Variants in DIP2C observed in about 807,000 individuals in gnomAD.
DIP2C encodes DIP2 acetate--CoA ligase C (putative), also known as disco-interacting protein 2 homolog C.
A neutral mutation model predicts 192.4 loss-of-function variants in DIP2C; 33 were observed. The ratio of observed to expected loss-of-function variants is 0.17; its 90% confidence interval spans 0.13 to 0.23. The LOEUF (loss-of-function observed/expected upper bound fraction) is 0.23. DIP2C is among the 10% of genes least tolerant of loss of function. DIP2C has a pLI of 1.00. For missense variants in DIP2C, 1,537 were observed against 2,110.1 expected (o/e 0.73, Z 5.32); for synonymous variants, 979 against 864.1 (o/e 1.13, Z -2.33).
intron 17 of DIP2C, among the ~76,000 whole-genome samples, chr10:375,649 G>C (rs749269988): frequency 3.9e-5 from 6 of 152,104 alleles, no homozygotes; most frequent in Admixed American, 6.6e-5. Flanking sequence ...TGAAGTAGCA[G>C]CTCCTATAAA....
chr10:629,977 C>G (rs991083739), intron 1 of DIP2C: 1 of 152,266 alleles, frequency 6.6e-6, no homozygotes, highest in African/African-American at 2.4e-5. Flanking sequence ...CGAGGGCGGC[C>G]TATTCCCCAC....
chr10:594,951 AAGGGAGAGGAGAC>A (rs1851618491), intron 1 of DIP2C, among the ~76,000 whole-genome samples: 2 of 152,150 alleles, frequency 1.3e-5, no homozygotes, highest in African/African-American at 4.8e-5. Flanking sequence ...AAAGCCAGAG[AAGGGAGAGGAGAC>A]AGAACACGCC....
intron 1 of DIP2C, among the ~76,000 whole-genome samples, chr10:509,073 T>A (rs1845832767): frequency 6.6e-6 from 1 of 152,178 alleles, no homozygotes; most frequent in Non-Finnish European, 1.5e-5. Context: ...GGGACTGCTG[T>A]GGACAGACGA....
At chr10:309,194 G>T (rs142973640) in intron 32 of DIP2C, among the ~76,000 whole-genome samples, 2 of 152,174 alleles carry the variant, frequency 1.3e-5, no homozygotes, top group Non-Finnish European at 2.9e-5. Context: ...TGGCATCTTA[G>T]TGGGTCCTCC....
intron 1 of DIP2C, among the ~76,000 whole-genome samples, chr10:610,205 G>A (rs1340674943): frequency 6.6e-6 from 1 of 152,144 alleles, no homozygotes; most frequent in Non-Finnish European, 1.5e-5. Context: ...TTAAGCAAAC[G>A]AGCCAAGCAC....
chr10:587,310 T>C (rs900496923), intron 1 of DIP2C, among the ~76,000 whole-genome samples: 1 of 152,210 alleles, frequency 6.6e-6, no homozygotes, highest in Non-Finnish European at 1.5e-5. Context: ...AGGAGTTTCC[T>C]AAACCCTCTG....
At chr10:570,080 C>A (rs149334010) in intron 1 of DIP2C, among the ~76,000 whole-genome samples, 316 of 152,276 alleles carry the variant, frequency 2.1e-3, no homozygotes, top group Non-Finnish European at 3.1e-3. Flanking sequence ...CTCAAGGCTG[C>A]CACTGCCACG....
At chr10:440,769 T>G in intron 4 of DIP2C, 102 bp downstream of exon 4, 2 of 1,482,080 alleles carry the variant, frequency 1.3e-6, no homozygotes, top group Non-Finnish European at 9.0e-7. Flanking sequence ...TCTGCATTAC[T>G]GCTTCATTAT....
At chr10:420,937 G>A (rs949116201) in intron 5 of DIP2C, among the ~76,000 whole-genome samples, 7 of 152,160 alleles carry the variant, frequency 4.6e-5, no homozygotes, top group African/African-American at 1.4e-4. Context: ...GGACACTCAC[G>A]CGCACGCAGA....
chr10:595,949 A>C (rs1851675631), intron 1 of DIP2C, among the ~76,000 whole-genome samples: 1 of 152,194 alleles, frequency 6.6e-6, no homozygotes, highest in African/African-American at 2.4e-5. Context: ...GCTTATTTTT[A>C]AGCCGACAAA....
chr10:538,821 T>C (rs2130891633), intron 1 of DIP2C, among the ~76,000 whole-genome samples: 1 of 152,360 alleles, frequency 6.6e-6, no homozygotes, highest in East Asian at 1.9e-4. Flanking sequence ...TTGTAAGCAC[T>C]GGGTAATATG....
chr10:583,389 T>C (rs1448353462), intron 1 of DIP2C, among the ~76,000 whole-genome samples: 1 of 152,242 alleles, frequency 6.6e-6, no homozygotes, highest in Non-Finnish European at 1.5e-5. Flanking sequence ...GTTTGGTACC[T>C]GCATTAAAAG....
intron 2 of DIP2C, among the ~76,000 whole-genome samples, chr10:485,128 G>A (rs1039990919): frequency 3.9e-5 from 6 of 152,244 alleles, no homozygotes; most frequent in East Asian, 1.9e-4. Context: ...GGCACGGTGC[G>A]CTGGAGAACC....
At chr10:311,412 A>T (rs1956561047) in intron 31 of DIP2C, 1 of 844,270 alleles carries the variant, frequency 1.2e-6, no homozygotes, top group Admixed American at 4.3e-5. Context: ...ACCCATGATC[A>T]CAGGGCCTGC....
rs376235683 is a variant in DIP2C, at chr10:460,901, C to G, written c.268+11538G>C. On this transcript the variant is annotated intron_variant, in intron 3 of 36. Transcript: ENST00000280886. ...CCAGAAGAGAGTGGGGGCCAATATT[C>G]AACATTCTTAAAGAATTTTCAACCC... 2.4e-3 allele frequency among the ~76,000 whole-genome samples: 369 copies of G among 152,208 alleles called. 1 individual carries two copies. Among genetic ancestry groups the G allele is most frequent in the South Asian group, 8.1e-3 (39 of 4,812 alleles).
chr10:341,066 C>T (rs1011612268), intron 29 of DIP2C, 133 bp downstream of exon 29: 46 of 1,282,250 alleles, frequency 3.6e-5, no homozygotes, highest in Middle Eastern at 4.2e-4. Flanking sequence ...TAGAGGGACA[C>T]GGGTAAGCCC....
chr10:484,958 G>A (rs1009988146), intron 2 of DIP2C: 4 of 1,597,296 alleles, frequency 2.5e-6, no homozygotes, highest in Middle Eastern at 3.4e-4. Flanking sequence ...GCTGTAACAA[G>A]TTGAAAAAAA....
chr10:571,348 C>G (rs893370396), intron 1 of DIP2C, among the ~76,000 whole-genome samples: 2 of 152,190 alleles, frequency 1.3e-5, no homozygotes, highest in Non-Finnish European at 2.9e-5. Context: ...AGGGTCAGCC[C>G]TGCCAGGCCG....
intron 1 of DIP2C, among the ~76,000 whole-genome samples, chr10:508,456 A>G (rs816585): frequency 0.023 from 3,482 of 152,244 alleles, 131 homozygotes; most frequent in African/African-American, 0.08. Flanking sequence ...ACCTAACTGG[A>G]TAATTTCATA....
Sources: gnomAD v4.1 joint callset for allele counts (sites outside exome capture counted in the v4.1 genomes callset) on GRCh38, gnomAD v4.1.1 for gene constraint, MANE v1.5 for transcripts, NCBI Gene and HGNC (gene_info 2026-07-23, HGNC 2026-07-21) for gene names.